GPR39: variants seen among roughly 807,000 people sequenced by gnomAD.
GPR39 encodes the protein zinc sensing receptor.
GPR39 carries 23 observed loss-of-function variants against 18.4 expected under a neutral mutation model. That is an observed-to-expected ratio of 1.25 (90% confidence interval 0.90 to 1.77). The LOEUF (loss-of-function observed/expected upper bound fraction) is 1.77. Ranked by LOEUF, GPR39 falls within the 40% of genes most tolerant of loss-of-function variation. The probability of loss-of-function intolerance (pLI) is 0.00; values close to 1 mark genes in which losing one functional copy is unlikely to be tolerated. For missense variants in GPR39, 647 were observed against 602.4 expected, an observed-to-expected ratio of 1.07 and a Z score of -0.78; for synonymous variants, 280 against 257.9, an observed-to-expected ratio of 1.09 and a Z score of -0.82.
At chr2:132,453,440 C>T (rs1350122429) in intron 1 of GPR39, among the ~76,000 whole-genome samples, 1 of 152,168 alleles carries the variant, frequency 6.6e-6, no homozygotes, top group African/African-American at 2.4e-5. Flanking sequence ...TGCCTGTTCA[C>T]TCTGACAGTA....
chr2:132,480,289 G>A (rs1015143982), intron 1 of GPR39, among the ~76,000 whole-genome samples: 5 of 152,158 alleles, frequency 3.3e-5, no homozygotes, highest in Admixed American at 2.6e-4. Flanking sequence ...TGTTCAGTGG[G>A]TAAAGAGTTT....
At chr2:132,548,051 G>T (rs3115024) in intron 1 of GPR39, among the ~76,000 whole-genome samples, 1 of 151,878 alleles carries the variant, frequency 6.6e-6, no homozygotes, top group South Asian at 2.1e-4. Context: ...CCCCGCTTAC[G>T]CCCCTTCCCA....
rs199931479 is a variant in GPR39, at chr2:132,427,131, C to CATATATATATAT, written c.856+9256_856+9267dup. On this transcript the variant is annotated intron_variant, in intron 1 of 1. Transcript: ENST00000329321. ...TATATATAATATACATATATAGGTA[C>CATATATATATAT]ATATATATATATATATATATATATA... Among the ~76,000 whole-genome samples the CATATATATATAT allele has an allele frequency of 4.6e-4, 37 of 80,748 alleles. 1 individual carries two copies. Among genetic ancestry groups the CATATATATATAT allele is most frequent in the Middle Eastern group, 8.9e-3 (1 of 112 alleles). The allele number at this position is 80,748 out of a possible 152,430, so 53.0% of individuals were successfully genotyped here.
At chr2:132,512,432 A>T (rs1194756712) in intron 1 of GPR39, among the ~76,000 whole-genome samples, 1 of 151,768 alleles carries the variant, frequency 6.6e-6, no homozygotes, top group East Asian at 1.9e-4. Flanking sequence ...GCCTCCAAAC[A>T]CTCATAGTCC....
intron 1 of GPR39, among the ~76,000 whole-genome samples, chr2:132,450,590 T>A (rs1264301602): frequency 6.6e-6 from 1 of 152,240 alleles, no homozygotes; most frequent in Non-Finnish European, 1.5e-5. Context: ...TTTATTCCTT[T>A]CTTTCCTGCT....
chr2:132,497,933 A>G (rs918813250), intron 1 of GPR39, among the ~76,000 whole-genome samples: 1 of 152,184 alleles, frequency 6.6e-6, no homozygotes, highest in African/African-American at 2.4e-5. Context: ...GTATGGAAAA[A>G]CAACCTGGAT....
intron 1 of GPR39, among the ~76,000 whole-genome samples, chr2:132,506,004 T>A (rs1459704053): frequency 1.3e-5 from 2 of 152,206 alleles, no homozygotes; most frequent in East Asian, 1.9e-4. Flanking sequence ...TTGTACTAAT[T>A]TACATTCCTA....
chr2:132,498,970 C>T (rs1287826119), intron 1 of GPR39, among the ~76,000 whole-genome samples: 8 of 152,022 alleles, frequency 5.3e-5, no homozygotes, highest in Non-Finnish European at 1.2e-4. Flanking sequence ...AGTCCTTTGT[C>T]GGATGTATGG....
intron 1 of GPR39, among the ~76,000 whole-genome samples, chr2:132,571,263 G>A (rs1680437107): frequency 2.0e-5 from 3 of 152,200 alleles, no homozygotes; most frequent in South Asian, 2.1e-4. Context: ...CTGAGCATAA[G>A]AGGTATCTTT....
chr2:132,609,392 G>A (rs1027352587), intron 1 of GPR39, among the ~76,000 whole-genome samples: 6 of 152,176 alleles, frequency 3.9e-5, no homozygotes, highest in African/African-American at 9.7e-5. Context: ...CTGGAGAATG[G>A]TGGTATTACC....
At chr2:132,489,512 C>T (rs1681415995) in intron 1 of GPR39, among the ~76,000 whole-genome samples, 1 of 152,002 alleles carries the variant, frequency 6.6e-6, no homozygotes, top group Admixed American at 6.5e-5. Flanking sequence ...TTAATTTTCC[C>T]GGAGGACTTT....
intron 1 of GPR39, among the ~76,000 whole-genome samples, chr2:132,635,827 G>A (rs781067014): frequency 1.4e-4 from 21 of 152,086 alleles, no homozygotes; most frequent in African/African-American, 4.1e-4. Context: ...TGAATAGGAC[G>A]AGTGAACATA....
At chr2:132,552,933 C>T (rs79440307) in intron 1 of GPR39, among the ~76,000 whole-genome samples, 21,510 of 110,226 alleles carry the variant, frequency 0.2, 1,705 homozygotes, top group Middle Eastern at 0.3. Context: ...CACACACACA[C>T]ATATATATAT....
At chr2:132,608,223 T>C (rs532546847) in intron 1 of GPR39, among the ~76,000 whole-genome samples, 1 of 152,266 alleles carries the variant, frequency 6.6e-6, no homozygotes, top group South Asian at 2.1e-4. Context: ...ACAAGCGCAA[T>C]AATAAAACAC....
intron 1 of GPR39, among the ~76,000 whole-genome samples, chr2:132,565,417 T>G (rs1680331722): frequency 6.7e-6 from 1 of 148,586 alleles, no homozygotes; most frequent in African/African-American, 2.5e-5. Flanking sequence ...TTTTTTATTA[T>G]ACTTTAAGTT....
intron 1 of GPR39, among the ~76,000 whole-genome samples, chr2:132,587,586 C>A (rs557638003): frequency 6.6e-6 from 1 of 152,046 alleles, no homozygotes; most frequent in Non-Finnish European, 1.5e-5. Flanking sequence ...GGCTGGAATG[C>A]GGTAGTGCGA....
At chr2:132,559,309 C>A (rs376460951) in intron 1 of GPR39, among the ~76,000 whole-genome samples, 1 of 152,162 alleles carries the variant, frequency 6.6e-6, no homozygotes, top group East Asian at 1.9e-4. Context: ...TGATGATTTC[C>A]CAGATTTGGG....
chr2:132,609,816 G>A (rs1364462399), intron 1 of GPR39, among the ~76,000 whole-genome samples: 16 of 152,152 alleles, frequency 1.1e-4, no homozygotes, highest in Non-Finnish European at 1.5e-5. Flanking sequence ...AGGAGCAAGG[G>A]TCATACCCTT....
chr2:132,457,967 C>T (rs1181405240), intron 1 of GPR39, among the ~76,000 whole-genome samples: 1 of 152,230 alleles, frequency 6.6e-6, no homozygotes, highest in Non-Finnish European at 1.5e-5. Context: ...TCCTTGTCTG[C>T]CAGTTGCTAA....
Sources: gnomAD v4.1 joint callset for allele counts (sites outside exome capture counted in the v4.1 genomes callset) on GRCh38, gnomAD v4.1.1 for gene constraint, MANE v1.5 for transcripts, NCBI Gene and HGNC (gene_info 2026-07-23, HGNC 2026-07-21) for gene names.